The following RPS6KA5 variants were observed in gnomAD, a reference collection of about 807,000 sequenced individuals.
RPS6KA5 encodes the protein ribosomal protein S6 kinase alpha-5.
RPS6KA5 carries 27 observed loss-of-function variants against 85.5 expected under a neutral mutation model. The observed-to-expected ratio is 0.32, with a 90% CI of 0.23 to 0.44. The LOEUF is 0.44. Among genes scored for constraint, RPS6KA5 ranks in the 20% least tolerant of loss-of-function variants. The probability of loss-of-function intolerance (pLI) is 1.00; values close to 1 mark genes in which losing one functional copy is unlikely to be tolerated. For missense variants in RPS6KA5, 811 were observed against 980.9 expected (o/e 0.83, Z 2.31); for synonymous variants, 334 against 348.2 (o/e 0.96, Z 0.46).
intron 3 of RPS6KA5, among the ~76,000 whole-genome samples, chr14:90,972,750 T>G (rs757359075): frequency 5.9e-5 from 9 of 152,100 alleles, no homozygotes; most frequent in Non-Finnish European, 1.0e-4. Context: ...AAAAATAAAT[T>G]TTACTATACA....
chr14:91,013,493 A>C (rs2041348175), intron 1 of RPS6KA5, among the ~76,000 whole-genome samples: 2 of 152,196 alleles, frequency 1.3e-5, no homozygotes, highest in Admixed American at 1.3e-4. Flanking sequence ...AGGAAGGAAA[A>C]GCATACAGAA....
chr14:91,044,281 GAGAGAGAGAGAGAA>G (rs2042724646), intron 1 of RPS6KA5, among the ~76,000 whole-genome samples: 1 of 12,094 alleles, frequency 8.3e-5, no homozygotes, highest in South Asian at 2.5e-3. Flanking sequence ...GAGAAAGAAA[GAGAGAGAGAGAGAA>G]AGAGAGAGAA....
At chr14:91,025,140 G>T (rs953166418) in intron 1 of RPS6KA5, among the ~76,000 whole-genome samples, 1 of 152,094 alleles carries the variant, frequency 6.6e-6, no homozygotes, top group Non-Finnish European at 1.5e-5. Context: ...AGCCCCCAGG[G>T]TTCAAGCAAT....
intron 1 of RPS6KA5, among the ~76,000 whole-genome samples, chr14:91,009,613 G>C (rs1320766228): frequency 6.6e-6 from 1 of 152,140 alleles, no homozygotes; most frequent in Non-Finnish European, 1.5e-5. Flanking sequence ...CATAAGAAAT[G>C]CAAGTCTGGT....
intron 3 of RPS6KA5, among the ~76,000 whole-genome samples, chr14:90,971,254 T>C (rs906519166): frequency 4.6e-5 from 7 of 151,820 alleles, no homozygotes; most frequent in Admixed American, 6.6e-5. Context: ...AAGGGAGAGG[T>C]TGCAATGAGC....
intron 7 of RPS6KA5, among the ~76,000 whole-genome samples, chr14:90,919,270 T>C (rs1036146988): frequency 3.3e-5 from 5 of 152,198 alleles, no homozygotes; most frequent in Non-Finnish European, 5.9e-5. Flanking sequence ...GGGGCAATCA[T>C]AGGGCTCACC....
At chr14:91,056,625 T>C (rs1407868355) in intron 1 of RPS6KA5, among the ~76,000 whole-genome samples, 1 of 152,166 alleles carries the variant, frequency 6.6e-6, no homozygotes, top group Non-Finnish European at 1.5e-5. Flanking sequence ...TGCAACCCAG[T>C]TCTTCCAGTG....
Position 90,857,225 on chromosome 14 carries a change from T to A in RPS6KA5, c.*14849A>T, listed in dbSNP as rs559362223. The A allele has an allele frequency of 6.6e-6, 1 of 152,286 alleles. No individual in the cohort carries two copies. The highest frequency in any genetic ancestry group is 6.5e-5 in the Admixed American group (1 of 15,300). 9.4% of individuals were successfully genotyped at this position (152,286 alleles called of 1,614,324 possible). A position where few individuals can be genotyped will look rare whatever the true frequency, so the allele number is the denominator to read the frequency against. ...AAGAATAACAAAGACAGGAATAGAA[T>A]CCTTGATCTGACTATAATATTTTAA... On this transcript the variant is annotated 3_prime_UTR_variant, in exon 17 of 17. Coordinates refer to ENST00000614987, the MANE Select transcript of RPS6KA5 (RefSeq NM_004755.4).
At chr14:91,007,982 GA>G (rs1164821611) in intron 1 of RPS6KA5, among the ~76,000 whole-genome samples, 1 of 152,112 alleles carries the variant, frequency 6.6e-6, no homozygotes, top group African/African-American at 2.4e-5. Context: ...ACAAACCTAT[GA>G]TTGATAAATG....
In RPS6KA5 at chr14:90,890,502, G is replaced by C. The variant is rs762401928; in HGVS notation, c.1821C>G (p.Ser607Arg). 1 of 1,605,490 alleles carries C rather than the reference G, an allele frequency of 6.2e-7. No individual in the cohort carries two copies. Residue 607 changes from serine to arginine, a missense_variant, in exon 14 of 17, where the codon AGC becomes AGG. By Grantham distance (110) the Ser-to-Arg change is moderately radical (BLOSUM62 -1). This residue lies in a region of RPS6KA5 where 650 missense variants were observed against 793.4 expected (regional missense o/e 0.82). Coordinates refer to ENST00000614987, the MANE Select transcript of RPS6KA5 (RefSeq NM_004755.4). Reference sequence around the variant, plus strand: ...AAGAACTCACCAAAATGACGCCCAAGCTCCACAGGTCACAGGACTCATCGT... The same window carrying C: ...AAGAACTCACCAAAATGACGCCCAACCTCCACAGGTCACAGGACTCATCGT... ...NGYDESCDLWSLGVILYTMLS... is the reference protein window; with the variant it reads ...NGYDESCDLWRLGVILYTMLS...
In RPS6KA5 at chr14:90,851,377, A is replaced by C. The variant is rs913914442; in HGVS notation, c.*20697T>G. The C allele has an allele frequency of 1.4e-4, 22 of 152,210 alleles. No homozygotes were observed. Among genetic ancestry groups the C allele is most frequent in the African/African-American group, 5.3e-4 (22 of 41,452 alleles). 9.4% of individuals were successfully genotyped at this position (152,210 alleles called of 1,614,324 possible). A position where few individuals can be genotyped will look rare whatever the true frequency, so the allele number is the denominator to read the frequency against. On this transcript the variant is annotated 3_prime_UTR_variant, in exon 17 of 17. Transcript: ENST00000614987. ...TTAAAATTAAATTGCTATATAACAG[A>C]AAGTCTTCATTATTAAATATCATTC...
At chr14:91,001,014 G>T in intron 2 of RPS6KA5, 74 bp downstream of exon 2, 6 of 806,458 alleles carry the variant, frequency 7.4e-6, no homozygotes, top group East Asian at 5.1e-5. Flanking sequence ...TTCTGTATTG[G>T]GGATATCAAT....
intron 1 of RPS6KA5, among the ~76,000 whole-genome samples, chr14:91,019,185 T>C (rs1159445586): frequency 1.3e-5 from 2 of 152,022 alleles, no homozygotes; most frequent in African/African-American, 2.4e-5. Context: ...GGGAGTTAAT[T>C]TTATGTGTCA....
At chr14:91,040,677 C>T (rs1410252517) in intron 1 of RPS6KA5, among the ~76,000 whole-genome samples, 3 of 152,032 alleles carry the variant, frequency 2.0e-5, no homozygotes, top group Admixed American at 2.0e-4. Context: ...ACAGGGCTGA[C>T]AATGGAGTAC....
rs371962967 is a variant in RPS6KA5, at chr14:90,988,641, C to T, written c.176-10117G>A. Among the ~76,000 whole-genome samples the T allele has an allele frequency of 2.0e-5, 3 of 152,128 alleles. No homozygotes were observed. The South Asian group carries it at 6.2e-4, about 32-fold the overall frequency. On this transcript the variant is annotated intron_variant, in intron 2 of 16. Transcript: ENST00000614987. The stretch of plus-strand genomic sequence containing the variant: ...CAGCCTGGCCAACTTGGTGAAACGC[C>T]GTCTCTACTAAAAATACAAAAATTA...
At position 90,903,026 on chromosome 14, in the gene RPS6KA5, A is replaced by G. The variant is rs902555384; in HGVS notation, c.958-57T>C. ...ATCAATAGTCAAAATGTACTTTCTA[A>G]GAATAACAAAGATAAATTAGGATTT... On this transcript the variant is annotated intron_variant, in intron 8 of 16. Coordinates refer to ENST00000614987, the MANE Select transcript of RPS6KA5 (RefSeq NM_004755.4). 17 of 1,434,546 alleles carry G rather than the reference A, an allele frequency of 1.2e-5. No individual in the cohort carries two copies. In the Admixed American group the frequency reaches 2.1e-4, roughly 18 times the overall value. The allele number at this position is 1,434,546 out of a possible 1,614,324, so 88.9% of individuals were successfully genotyped here.
At chr14:90,894,006 G>C (rs1340538852) in intron 13 of RPS6KA5, 1 of 881,834 alleles carries the variant, frequency 1.1e-6, no homozygotes, top group Non-Finnish European at 1.4e-6. Flanking sequence ...TTTTATTCAT[G>C]AGCTAACCAA....
At chr14:90,911,693 C>T (rs983238827) in intron 7 of RPS6KA5, among the ~76,000 whole-genome samples, 1 of 151,956 alleles carries the variant, frequency 6.6e-6, no homozygotes, top group Non-Finnish European at 1.5e-5. Flanking sequence ...AAAATGTTTA[C>T]GACATAAATT....
intron 5 of RPS6KA5, among the ~76,000 whole-genome samples, chr14:90,928,255 T>C (rs945332305): frequency 1.3e-5 from 2 of 152,032 alleles, no homozygotes; most frequent in Non-Finnish European, 2.9e-5. Context: ...ATAAAAATAC[T>C]ATATATAAGA....
Sources: allele counts gnomAD v4.1 joint callset (sites outside exome capture counted in the v4.1 genomes callset), GRCh38; gene constraint gnomAD v4.1.1; regional missense constraint gnomAD v4.1.1; transcripts MANE v1.5; gene names NCBI Gene and HGNC (gene_info 2026-07-23, HGNC 2026-07-21).